Variants in ST6GALNAC2 observed in about 807,000 individuals in gnomAD.
ST6GALNAC2 encodes alpha-N-acetylgalactosaminide alpha-2,6-sialyltransferase 2.
In ST6GALNAC2, 42 loss-of-function variants were observed where a neutral mutation model predicts 38.7. The observed-to-expected ratio is 1.09, with a 90% confidence interval of 0.85 to 1.40. The LOEUF (loss-of-function observed/expected upper bound fraction) is 1.40. Ranked by LOEUF, ST6GALNAC2 falls within the 40% of genes most tolerant of loss-of-function variation. The pLI, the probability that ST6GALNAC2 is intolerant of heterozygous loss-of-function variation, is 0.00. For synonymous variants in ST6GALNAC2, 233 were observed against 209.0 expected (o/e 1.11, Z -0.99); for missense variants, 506 against 481.7 (o/e 1.05, Z -0.47).
At chr17:76,567,122 G>T (rs552679819) in intron 8 of ST6GALNAC2, among the ~76,000 whole-genome samples, 1 of 152,158 alleles carries the variant, frequency 6.6e-6, no homozygotes, top group Non-Finnish European at 1.5e-5. Context: ...CTTTCACAAG[G>T]GCAGTTTGAT....
chr17:76,576,675 CAA>C (rs940051303), intron 2 of ST6GALNAC2, among the ~76,000 whole-genome samples: 1 of 150,186 alleles, frequency 6.7e-6, no homozygotes, highest in Non-Finnish European at 1.5e-5. Flanking sequence ...CAAAACCACT[CAA>C]AAAAAAATCC....
rs137991970 is a variant in ST6GALNAC2 at position 76,574,490 on chromosome 17, T to C, written c.236A>G (p.His79Arg). The change falls in exon 3 of 9, where the codon CAC (histidine) becomes CGC (arginine). Residue 79 changes from histidine (H) to arginine (R), a missense_variant. Physicochemically the swap from His to Arg is conservative, Grantham distance 29. Transcript: ENST00000225276. ...LLHLAIQRHP[H>R]FRGLFNLSIP... ...GGAGAGATTGAACAGGCCACGGAAG[T>C]GGGGGTGCCGCTGAATGGCCAGGTG... 784 of 1,469,368 alleles carry C rather than the reference T, an allele frequency of 5.3e-4. 4 individuals are homozygous for C. In the African/African-American group the frequency reaches 9.9e-3, roughly 19 times the overall value. The allele number at this position is 1,469,368 out of a possible 1,614,324, so 91.0% of individuals were successfully genotyped here.
rs376770152 is a variant in ST6GALNAC2 at position 76,573,186 on chromosome 17, C to T, written c.530+9G>A. On this transcript the variant is annotated intron_variant, in intron 4 of 8. Transcript: ENST00000225276. The surrounding 1 kb of genome is among the most constrained non-coding windows in gnomAD (Gnocchi z 5.1). ...CCTCCCGCCCCTCCCCAGCTCCTACCCCTCATACCTGAATACATAGTCATG... is the reference window on the plus strand; with the variant it reads ...CCTCCCGCCCCTCCCCAGCTCCTACTCCTCATACCTGAATACATAGTCATG... 7.5e-6 allele frequency: 12 copies of T among 1,608,676 alleles called. No homozygotes were observed. The highest frequency in any genetic ancestry group is 9.3e-6 in the Non-Finnish European group (11 of 1,177,436).
intron 2 of ST6GALNAC2, among the ~76,000 whole-genome samples, chr17:76,576,864 G>C (rs1486305239): frequency 6.6e-6 from 1 of 151,488 alleles, no homozygotes; most frequent in Non-Finnish European, 1.5e-5. Flanking sequence ...CAGCTACTTG[G>C]GGGGCTGAGG....
At position 76,567,495 on chromosome 17, in the gene ST6GALNAC2, G is replaced by A. The variant is rs555400646; in HGVS notation, c.915C>T (p.Thr305=). 16 of 1,613,930 alleles carry A rather than the reference G, an allele frequency of 9.9e-6. No individual in the cohort carries two copies. Among genetic ancestry groups the A allele is most frequent in the Admixed American group, 3.3e-5 (2 of 60,014 alleles). Residue 305 remains threonine (T), a synonymous_variant, in exon 8 of 9, where the codon ACC becomes ACT. Coordinates refer to ENST00000225276, the MANE Select transcript of ST6GALNAC2 (RefSeq NM_006456.3). ...THFGDLYMPS[T]GALMLLTALH... ...AAGCTGTCAGCAGCATGAGAGCCCC[G>A]GTACTAGGCATATATAGGTCTCCAA...
chr17:76,567,888 GGAA>G, intron 7 of ST6GALNAC2: 1 of 290,222 alleles, frequency 3.4e-6, no homozygotes, highest in East Asian at 8.9e-5. Flanking sequence ...TGATTAAGTA[GGAA>G]TCACGTGTGA....
chr17:76,568,638 C>T (rs943201385), intron 7 of ST6GALNAC2, 75 bp downstream of exon 7: 31 of 1,453,672 alleles, frequency 2.1e-5, no homozygotes, highest in Non-Finnish European at 2.9e-5. Context: ...CGTGCGAGGG[C>T]GCTGACTGGA....
rs1174199900 is a variant in ST6GALNAC2, at chr17:76,585,700, GC to G, written c.108del (p.Pro37GlnfsTer69). On this transcript the variant is annotated frameshift_variant, in exon 1 of 9. Coordinates refer to ENST00000225276, the MANE Select transcript of ST6GALNAC2 (RefSeq NM_006456.3). LOFTEE classifies it high-confidence loss of function. ...LYFSAVQRYP[G>X]PAAGARDTTS... ...AGCCCCTACCTGGCTCCGGCCGCTG[GC>G]CCCGGGTACCGCTGCACCGCCGAGA... is the stretch of plus-strand genomic sequence containing the variant. The G allele has an allele frequency of 2.0e-6, 3 of 1,528,454 alleles. No individual in the cohort carries two copies. Among genetic ancestry groups the G allele is most frequent in the East Asian group, 2.6e-5 (1 of 39,100 alleles). The allele number at this position is 1,528,454 out of a possible 1,614,324, so 94.7% of individuals were successfully genotyped here. A position where few individuals can be genotyped will look rare whatever the true frequency, so the allele number is the denominator to read the frequency against.
chr17:76,575,800 G>A (rs1317072820), intron 2 of ST6GALNAC2, among the ~76,000 whole-genome samples: 1 of 152,214 alleles, frequency 6.6e-6, no homozygotes, highest in Non-Finnish European at 1.5e-5. Flanking sequence ...CATGGCCTGG[G>A]TGGGCCTTCT....
rs867496568 is a variant in ST6GALNAC2 at position 76,574,677 on chromosome 17, T to C, written c.187-138A>G. 4 of 695,496 alleles carry C rather than the reference T, an allele frequency of 5.8e-6. No individual in the cohort carries two copies. The African/African-American group carries it at 5.9e-5, about 10-fold the overall frequency. The allele number at this position is 695,496 out of a possible 1,614,324, so 43.1% of individuals were successfully genotyped here. The stretch of plus-strand genomic sequence containing the variant: ...CTCCAGATTGGGGCCATCCTTGCAT[T>C]TTTTTTTTTCTTTTTTTGAGACAGA... On this transcript the variant is annotated intron_variant, in intron 2 of 8. Transcript: ENST00000225276.
At chr17:76,578,011 C>T (rs1382307334) in intron 2 of ST6GALNAC2, among the ~76,000 whole-genome samples, 1 of 152,142 alleles carries the variant, frequency 6.6e-6, no homozygotes, top group African/African-American at 2.4e-5. Context: ...CCATTTTAGT[C>T]TCTTGGGCAT....
Position 76,572,791 on chromosome 17 carries a change from G to A in ST6GALNAC2, c.531-16C>T. On this transcript the variant is annotated splice_polypyrimidine_tract_variant and intron_variant, in intron 4 of 8. Coordinates refer to ENST00000225276, the MANE Select transcript of ST6GALNAC2 (RefSeq NM_006456.3). ...TCCATTGAGTCTGGTTGGCACAGAG[G>A]CCCATCAGTGTCTGCGGTTACACCA... 6.2e-7 allele frequency: 1 copy of A among 1,613,840 alleles called. No homozygotes were observed. Among genetic ancestry groups the A allele is most frequent in the Non-Finnish European group, 8.5e-7 (1 of 1,179,964 alleles).
intron 5 of ST6GALNAC2, among the ~76,000 whole-genome samples, chr17:76,572,316 A>G (rs2075361302): frequency 1.3e-5 from 2 of 152,118 alleles, no homozygotes; most frequent in Admixed American, 6.5e-5. Context: ...ACTGAATGAA[A>G]GGCACCAGGC....
chr17:76,583,192 G>C (rs936494447), intron 1 of ST6GALNAC2, among the ~76,000 whole-genome samples: 4 of 151,944 alleles, frequency 2.6e-5, no homozygotes, highest in African/African-American at 7.2e-5. Context: ...TGGCTAACAC[G>C]GTGAAAACCT....
chr17:76,566,324 G>C, intron 8 of ST6GALNAC2, 53 bp from the exon 9 acceptor site: 1 of 1,573,888 alleles, frequency 6.4e-7, no homozygotes, highest in Non-Finnish European at 8.7e-7. Context: ...AGTGTGTACA[G>C]ACACTTGGGT....
rs369310194 is a variant in ST6GALNAC2, at chr17:76,565,967, G to A, written c.*137C>T. On this transcript the variant is annotated 3_prime_UTR_variant, in exon 9 of 9. Transcript: ENST00000225276. Reference sequence around the variant, plus strand: ...GGGTGTCCTATATTGAACAGACCTCGATGAAAATCTTGAATTCACCCCAGT... The same window carrying A: ...GGGTGTCCTATATTGAACAGACCTCAATGAAAATCTTGAATTCACCCCAGT... 54 of 884,894 alleles carry A rather than the reference G, an allele frequency of 6.1e-5. No individual in the cohort carries two copies. Among genetic ancestry groups the A allele is most frequent in the Non-Finnish European group, 7.3e-5 (43 of 591,792 alleles). The allele number at this position is 884,894 out of a possible 1,614,324, so 54.8% of individuals were successfully genotyped here.
At position 76,573,726 on chromosome 17, in the gene ST6GALNAC2, G is replaced by A. The variant is rs758317210; in HGVS notation, c.362-363C>T. 1.3e-5 allele frequency among the ~76,000 whole-genome samples: 2 copies of A among 152,146 alleles called. No individual in the cohort carries two copies. The highest frequency in any genetic ancestry group is 2.9e-5 in the Non-Finnish European group (2 of 68,026). ...GTGAATCACTTGAGGCCAGGAGTTCGAGACCAGCCTGGGCAACATGGTGAA... is the reference window on the plus strand; with the variant it reads ...GTGAATCACTTGAGGCCAGGAGTTCAAGACCAGCCTGGGCAACATGGTGAA... On this transcript the variant is annotated intron_variant, in intron 3 of 8. Transcript: ENST00000225276. The surrounding 1 kb of genome is among the most constrained non-coding windows in gnomAD (Gnocchi z 5.1).
At chr17:76,574,730 G>T (rs561701022) in intron 2 of ST6GALNAC2, among the ~76,000 whole-genome samples, 191 bp from the exon 3 acceptor site, 155 of 151,770 alleles carry the variant, frequency 1.0e-3, no homozygotes, top group African/African-American at 3.5e-3. Context: ...AGGCTGGAGT[G>T]CAGTGGCCCC....
In ST6GALNAC2 at chr17:76,577,621, G is replaced by A. The variant is rs1255949185; in HGVS notation, c.186+1135C>T. On this transcript the variant is annotated intron_variant, in intron 2 of 8. Transcript: ENST00000225276. ...GACGGAGTTTCGCTCTGTCACTCAC[G>A]GTGGAGTGCAGTGGCACGATCTCAG... Among the ~76,000 whole-genome samples, 11 of 144,008 alleles carry A rather than the reference G, an allele frequency of 7.6e-5. No individual in the cohort carries two copies. The Admixed American group carries it at 8.0e-4, about 10-fold the overall frequency. The allele number at this position is 144,008 out of a possible 152,430, so 94.5% of individuals were successfully genotyped here. A position where few individuals can be genotyped will look rare whatever the true frequency, so the allele number is the denominator to read the frequency against.
Sources: gnomAD v4.1 joint callset for allele counts (sites outside exome capture counted in the v4.1 genomes callset) on GRCh38, gnomAD v4.1.1 for gene constraint, Gnocchi (gnomAD v3.1) non-coding constraint, MANE v1.5 for transcripts, NCBI Gene and HGNC (gene_info 2026-07-23, HGNC 2026-07-21) for gene names.